Variants in TEP1 observed in about 807,000 individuals in gnomAD.
TEP1 encodes the protein telomerase protein component 1.
TEP1 carries 241 observed loss-of-function variants against 306.3 expected under a neutral mutation model. The observed-to-expected ratio is 0.79, with a 90% CI of 0.71 to 0.88. The LOEUF is 0.88. TEP1 is among the 40% of genes least tolerant of loss of function. TEP1 has a pLI of 0.00. For synonymous variants in TEP1, 1,289 were observed against 1,305.5 expected (o/e 0.99, Z 0.27); for missense variants, 3,051 against 3,276.1 (o/e 0.93, Z 1.68).
intron 9 of TEP1, among the ~76,000 whole-genome samples, chr14:20,399,670 A>G (rs1878505116): frequency 6.7e-6 from 1 of 148,380 alleles, no homozygotes; most frequent in African/African-American, 2.5e-5. Context: ...ACATATACAT[A>G]TATTCTGGTG....
Position 20,404,780 on chromosome 14 carries a change from A to G in TEP1, c.871-8T>C. ...CCTGGCATACAAAGATGCCTAGGACACAGGGTGAGAGGACTAGAATCTCAG... is the reference window on the plus strand; with the variant it reads ...CCTGGCATACAAAGATGCCTAGGACGCAGGGTGAGAGGACTAGAATCTCAG... On this transcript the variant is annotated splice_region_variant and splice_polypyrimidine_tract_variant and intron_variant, in intron 4 of 54. Transcript: ENST00000262715. The G allele has an allele frequency of 1.9e-6, 3 of 1,600,814 alleles. No homozygotes were observed. The highest frequency in any genetic ancestry group is 2.6e-6 in the Non-Finnish European group (3 of 1,172,934).
chr14:20,383,667 G>A (rs762268342), intron 25 of TEP1, 23 bp from the exon 26 acceptor site: 3 of 1,607,676 alleles, frequency 1.9e-6, no homozygotes, highest in Non-Finnish European at 2.5e-6. Flanking sequence ...AGGAAGTCAG[G>A]GTCAGTGGGA....
At chr14:20,403,134 T>C (rs1181305009) in intron 7 of TEP1, among the ~76,000 whole-genome samples, 1 of 129,580 alleles carries the variant, frequency 7.7e-6, no homozygotes, top group Non-Finnish European at 1.5e-5. Context: ...CTCTCCAGCC[T>C]GGGCCACAGT....
chr14:20,391,056 A>T lies in TEP1; in HGVS notation c.2138T>A (p.Ile713Asn). The change falls in exon 14 of 55, where the codon ATC becomes AAC. Residue 713 changes from isoleucine (I) to asparagine (N), a missense_variant. Transcript: ENST00000262715. The part of the protein sequence containing the change: ...NYALLLIGMM[I>N]TRAEQVDVVL... ...GACGTCCACCTGCTCCGCCCTCGTG[A>T]TCATCATCCCAATCAACAGCAGTGC... 1 of 1,614,142 alleles carries T rather than the reference A, an allele frequency of 6.2e-7. No individual in the cohort carries two copies. Among genetic ancestry groups the T allele is most frequent in the Non-Finnish European group, 8.5e-7 (1 of 1,180,036 alleles).
intron 20 of TEP1, 36 bp downstream of exon 20, chr14:20,386,039 T>C: frequency 6.4e-7 from 1 of 1,551,112 alleles, no homozygotes; most frequent in Non-Finnish European, 8.7e-7. Flanking sequence ...AATCTTTGCT[T>C]CCTCCCCAGC....
In TEP1 at chr14:20,385,086, G is replaced by A. The variant is rs1877010247; in HGVS notation, c.3006C>T (p.Arg1002=). Residue 1002 remains arginine (R), a synonymous_variant, in exon 21 of 55, where the codon CGC becomes CGT. Coordinates refer to ENST00000262715, the MANE Select transcript of TEP1 (RefSeq NM_007110.5). ...GCATCACCTCCATCTCTGTCACAGA[G>A]CGCCCTGAAGGGTACTGCTGGGCCT... ...FHWAQQYPSG[R]SVTEMEVMQF... is the part of the protein sequence containing the mutation. 3.1e-6 allele frequency: 5 copies of A among 1,614,124 alleles called. No homozygotes were observed. Among genetic ancestry groups the A allele is most frequent in the Admixed American group, 1.7e-5 (1 of 60,028 alleles).
chr14:20,384,262 T>C (rs1876907996), intron 23 of TEP1, 30 bp from the exon 24 acceptor site: 2 of 1,611,218 alleles, frequency 1.2e-6, no homozygotes, highest in East Asian at 4.5e-5. Flanking sequence ...TGACTATCCA[T>C]GGTGCCATGC....
intron 34 of TEP1, 41 bp from the exon 35 acceptor site, chr14:20,380,094 G>C (rs1885440186): frequency 6.3e-7 from 1 of 1,599,194 alleles, no homozygotes; most frequent in Admixed American, 1.7e-5. Context: ...ATAAACGAGA[G>C]AATGCAAACA....
intron 49 of TEP1, 22 bp from the exon 50 acceptor site, chr14:20,371,654 A>G (rs1884850096): frequency 1.3e-6 from 2 of 1,550,140 alleles, no homozygotes; most frequent in South Asian, 1.3e-5. Context: ...AAGTACATGG[A>G]CAGAGAAAGA....
intron 1 of TEP1, among the ~76,000 whole-genome samples, chr14:20,408,784 C>T (rs928655482): frequency 4.0e-5 from 6 of 150,822 alleles, no homozygotes; most frequent in Non-Finnish European, 5.9e-5. Context: ...CTGGGCAACA[C>T]GGTGAAACCT....
chr14:20,396,002 G>A, intron 10 of TEP1, 53 bp from the exon 11 acceptor site: 2 of 1,379,324 alleles, frequency 1.4e-6, no homozygotes. Flanking sequence ...GAGTATGGGG[G>A]GCTTCAGGGG....
intron 3 of TEP1, among the ~76,000 whole-genome samples, 194 bp downstream of exon 3, chr14:20,406,039 A>G (rs182257757): frequency 8.6e-5 from 13 of 151,466 alleles, no homozygotes; most frequent in Admixed American, 6.6e-4. Context: ...AAAGGAAAAG[A>G]GAGAAAGAAA....
rs1340228040 is a variant in TEP1, at chr14:20,372,844, A to G, written c.6965T>C (p.Ile2322Thr). The G allele has an allele frequency of 1.9e-6, 3 of 1,614,182 alleles. No homozygotes were observed. The highest frequency in any genetic ancestry group is 8.5e-7 in the Non-Finnish European group (1 of 1,180,038). ...TGCCGAGGACCAGATCAGAGCACCA[A>G]TGTGGCCTGGAGCCTGGTGTACACA... ...AVATAQAPGH[I>T]GALIWSSAHT... Residue 2322 changes from isoleucine to threonine, a missense_variant, in exon 49 of 55, where the codon ATT (isoleucine) becomes ACT (threonine). Coordinates refer to ENST00000262715, the MANE Select transcript of TEP1 (RefSeq NM_007110.5).
intron 1 of TEP1, among the ~76,000 whole-genome samples, chr14:20,409,847 C>T (rs1044293681): frequency 6.6e-5 from 10 of 151,622 alleles, no homozygotes; most frequent in South Asian, 2.1e-4. Flanking sequence ...AGTGAAACCC[C>T]ATCTCTACTA....
intron 13 of TEP1, 76 bp from the exon 14 acceptor site, chr14:20,391,172 C>A: frequency 6.8e-7 from 1 of 1,468,294 alleles, no homozygotes; most frequent in Non-Finnish European, 9.4e-7. Context: ...CCCTGGAGGC[C>A]AAACCCTTCC....
intron 46 of TEP1, 32 bp from the exon 47 acceptor site, chr14:20,373,434 GAGTGGGCACAACAGA>G: frequency 6.2e-7 from 1 of 1,614,068 alleles, no homozygotes; most frequent in South Asian, 1.1e-5. Flanking sequence ...GGGCTCATGA[GAGTGGGCACAACAGA>G]AGGTTATTCC....
rs1566453219 is a variant in TEP1 at position 20,381,893 on chromosome 14, C to G, written c.4424+20G>C. 6.2e-7 allele frequency: 1 copy of G among 1,612,470 alleles called. No homozygotes were observed. Among genetic ancestry groups the G allele is most frequent in the East Asian group, 2.2e-5 (1 of 44,882 alleles). The stretch of plus-strand genomic sequence containing the variant: ...GAAGGCACAGAGAGGTCAGCGGGAG[C>G]TCTGCTGGGGCACCTGTACCTGCGC... On this transcript the variant is annotated intron_variant, in intron 30 of 54. Coordinates refer to ENST00000262715, the MANE Select transcript of TEP1 (RefSeq NM_007110.5). This position sits in a 1 kb window ranked among gnomAD's most constrained non-coding sequence, Gnocchi z 4.0.
In TEP1 at chr14:20,381,730, G is replaced by A. The variant is rs1876555477; in HGVS notation, c.4425-44C>T. The A allele has an allele frequency of 2.6e-6, 4 of 1,551,336 alleles. No homozygotes were observed. The highest frequency in any genetic ancestry group is 3.5e-6 in the Non-Finnish European group (4 of 1,151,924). ...GGGAGAGAGAAGAAGGAAGAGGCCT[G>A]TCAGTGAGCTTCCTGGCACACAGTG... is the stretch of plus-strand genomic sequence containing the variant. On this transcript the variant is annotated intron_variant, in intron 30 of 54. Transcript: ENST00000262715. This position sits in a 1 kb window ranked among gnomAD's most constrained non-coding sequence, Gnocchi z 4.0.
intron 9 of TEP1, 153 bp downstream of exon 9, chr14:20,400,831 G>T (rs1594368591): frequency 1.6e-5 from 14 of 902,496 alleles, no homozygotes; most frequent in Non-Finnish European, 1.8e-5. Context: ...TGTTTACTTT[G>T]GTGTAGTCAA....
Sources: allele counts gnomAD v4.1 joint callset (sites outside exome capture counted in the v4.1 genomes callset), GRCh38; gene constraint gnomAD v4.1.1; non-coding constraint Gnocchi (gnomAD v3.1); transcripts MANE v1.5; gene names NCBI Gene and HGNC (gene_info 2026-07-23, HGNC 2026-07-21).